DOCK8: variants seen among roughly 807,000 people sequenced by gnomAD.
The protein encoded by DOCK8 is dedicator of cytokinesis 8.
Under a neutral mutation model 245.6 loss-of-function variants are expected in DOCK8, and 141 were observed. That is an observed-to-expected ratio of 0.57 (90% CI 0.50 to 0.66). The LOEUF (loss-of-function observed/expected upper bound fraction) is 0.66, where lower values mean the gene tolerates loss of function less well. Among genes scored for constraint, DOCK8 ranks in the 30% least tolerant of loss-of-function variants. The pLI is 0.00. For synonymous variants in DOCK8, 1,168 were observed against 970.2 expected, an observed-to-expected ratio of 1.20 and a Z score of -3.79; for missense variants, 2,965 against 2,603.4, an observed-to-expected ratio of 1.14 and a Z score of -3.02.
intron 14 of DOCK8, among the ~76,000 whole-genome samples, chr9:346,775 C>T (rs559743678): frequency 6.1e-4 from 93 of 151,888 alleles, no homozygotes; most frequent in Non-Finnish European, 1.2e-3. Flanking sequence ...TTCTCTTCTG[C>T]GGGGGAAAAG....
intron 28 of DOCK8, among the ~76,000 whole-genome samples, chr9:410,005 G>T (rs911247896): frequency 2.2e-4 from 34 of 152,170 alleles, no homozygotes; most frequent in African/African-American, 8.2e-4. Context: ...GCAATAAAAG[G>T]ATTATAAATC....
chr9:435,570 A>G (rs1010991837), intron 39 of DOCK8, among the ~76,000 whole-genome samples: 3 of 152,206 alleles, frequency 2.0e-5, no homozygotes, highest in African/African-American at 7.2e-5. Flanking sequence ...TGGCCCATTC[A>G]TTTGATTCCA....
In DOCK8 at chr9:300,308, ATTTCTTACT is replaced by A. The variant is rs1326232480; in HGVS notation, c.405-4270_405-4262del. Among the ~76,000 whole-genome samples the A allele has an allele frequency of 2.4e-4, 37 of 152,130 alleles. 1 individual carries two copies. Among genetic ancestry groups the A allele is most frequent in the Non-Finnish European group, 4.4e-4 (30 of 68,020 alleles). Reference sequence around the variant, plus strand: ...GTATAATTGCTAGTAGCTCTCTTACATTTCTTACTTTATCTATCTGGCATTTGATCTACC... The same window carrying A: ...GTATAATTGCTAGTAGCTCTCTTACATTATCTATCTGGCATTTGATCTACC... On this transcript the variant is annotated intron_variant, in intron 4 of 47. Coordinates refer to ENST00000432829, the MANE Select transcript of DOCK8 (RefSeq NM_203447.4).
rs1163061315 is a variant in DOCK8, at chr9:317,140, C to G, written c.827+12C>G. On this transcript the variant is annotated intron_variant, in intron 7 of 47. Transcript: ENST00000432829. ...TTGCTGACCTTGAAGTAAGTATCAACAAACACACTGCCACCGCTTTGAGAT... is the reference window on the plus strand; with the variant it reads ...TTGCTGACCTTGAAGTAAGTATCAAGAAACACACTGCCACCGCTTTGAGAT... 2 of 1,582,402 alleles carry G rather than the reference C, an allele frequency of 1.3e-6. No homozygotes were observed. The highest frequency in any genetic ancestry group is 2.7e-5 in the African/African-American group (2 of 74,206).
chr9:239,066 A>G (rs1280513995), intron 1 of DOCK8, among the ~76,000 whole-genome samples: 1 of 152,190 alleles, frequency 6.6e-6, no homozygotes, highest in African/African-American at 2.4e-5. Flanking sequence ...CACACTCCAC[A>G]CAGACGGTGG....
intron 10 of DOCK8, 75 bp from the exon 11 acceptor site, chr9:334,150 T>A: frequency 6.5e-7 from 1 of 1,542,774 alleles, no homozygotes; most frequent in Non-Finnish European, 8.9e-7. Flanking sequence ...TGGAGATGGC[T>A]GTCATATTCA....
chr9:402,184 C>T (rs2055143796), intron 26 of DOCK8, among the ~76,000 whole-genome samples: 1 of 152,222 alleles, frequency 6.6e-6, no homozygotes, highest in African/African-American at 2.4e-5. Context: ...CTGCAAAACT[C>T]ATGTTTTTAT....
At chr9:349,514 T>C (rs189140429) in intron 14 of DOCK8, among the ~76,000 whole-genome samples, 149 of 152,338 alleles carry the variant, frequency 9.8e-4, no homozygotes, top group Non-Finnish European at 1.3e-3. Flanking sequence ...CATTTAGCAA[T>C]AAGCAAATCT....
intron 12 of DOCK8, among the ~76,000 whole-genome samples, chr9:338,276 G>A (rs1053391681): frequency 6.6e-6 from 1 of 152,146 alleles, no homozygotes; most frequent in African/African-American, 2.4e-5. Flanking sequence ...CGCAGTCTTC[G>A]TGGAGCATTT....
chr9:448,416 C>T (rs1025927688), intron 44 of DOCK8, among the ~76,000 whole-genome samples: 2 of 152,204 alleles, frequency 1.3e-5, no homozygotes, highest in Admixed American at 6.5e-5. Flanking sequence ...CTGAAGTTTT[C>T]TTGGCCTTCC....
At chr9:344,562 T>G (rs555179922) in intron 14 of DOCK8, among the ~76,000 whole-genome samples, 1 of 152,218 alleles carries the variant, frequency 6.6e-6, no homozygotes, top group East Asian at 1.9e-4. Context: ...TTGGGTGACC[T>G]CACCTTTTCA....
intron 23 of DOCK8, among the ~76,000 whole-genome samples, chr9:389,889 G>C (rs911472202): frequency 1.3e-5 from 2 of 152,096 alleles, no homozygotes; most frequent in Non-Finnish European, 2.9e-5. Context: ...GCTGGGCTTG[G>C]TGGTGCACGC....
intron 19 of DOCK8, among the ~76,000 whole-genome samples, chr9:376,582 G>C (rs1433245578): frequency 1.3e-5 from 2 of 149,360 alleles, no homozygotes; most frequent in East Asian, 1.9e-4. Flanking sequence ...CTCATCTGCT[G>C]TTACTTCTTT....
intron 1 of DOCK8, among the ~76,000 whole-genome samples, chr9:223,695 A>T (rs937020923): frequency 6.6e-6 from 1 of 152,046 alleles, no homozygotes; most frequent in African/African-American, 2.4e-5. Flanking sequence ...ACAGATGATA[A>T]TATGGCAAGT....
intron 4 of DOCK8, among the ~76,000 whole-genome samples, chr9:297,430 A>G (rs1348002658): frequency 6.6e-6 from 1 of 152,212 alleles, no homozygotes; most frequent in African/African-American, 2.4e-5. Flanking sequence ...GTGTTAGAAT[A>G]GTGTTTTAAG....
chr9:238,916 C>G (rs2047320916), intron 1 of DOCK8, among the ~76,000 whole-genome samples: 1 of 152,008 alleles, frequency 6.6e-6, no homozygotes, highest in South Asian at 2.1e-4. Context: ...CCACCCTGGC[C>G]AGGACGCCAT....
intron 4 of DOCK8, among the ~76,000 whole-genome samples, chr9:297,323 TC>T (rs749235677): frequency 1.7e-4 from 26 of 152,310 alleles, no homozygotes; most frequent in Middle Eastern, 3.4e-3. Context: ...TGCACCCAGT[TC>T]CTTCTGACTC....
chr9:388,616 G>A (rs898019883), intron 23 of DOCK8, among the ~76,000 whole-genome samples: 1 of 151,354 alleles, frequency 6.6e-6, no homozygotes, highest in African/African-American at 2.4e-5. Flanking sequence ...GTGCCGTGGT[G>A]CAATCTTGGC....
chr9:342,159 C>T (rs60884291), intron 14 of DOCK8, among the ~76,000 whole-genome samples: 6,724 of 152,148 alleles, frequency 0.044, 501 homozygotes, highest in African/African-American at 0.15. Context: ...CCCTGCCCCC[C>T]GCTGCCACCC....
Sources: gnomAD v4.1 joint callset for allele counts (sites outside exome capture counted in the v4.1 genomes callset) on GRCh38, gnomAD v4.1.1 for gene constraint, MANE v1.5 for transcripts, NCBI Gene and HGNC (gene_info 2026-07-23, HGNC 2026-07-21) for gene names.